The following ARID3A variants were observed in gnomAD, a reference collection of about 807,000 sequenced individuals.
The protein encoded by ARID3A is AT-rich interactive domain-containing protein 3A.
A neutral mutation model predicts 52.7 loss-of-function variants in ARID3A; 11 were observed. The ratio of observed to expected loss-of-function variants is 0.21; its 90% CI spans 0.13 to 0.35. ARID3A has a LOEUF of 0.35. Ranked by LOEUF, ARID3A falls within the 10% of genes least tolerant of loss-of-function variation. The pLI is 1.00. For missense variants in ARID3A, 721 were observed against 838.5 expected (o/e 0.86, Z 1.73); for synonymous variants, 404 against 359.4 (o/e 1.12, Z -1.40).
chr19:949,480 C>G (rs959316830), intron 3 of ARID3A, among the ~76,000 whole-genome samples: 22 of 152,126 alleles, frequency 1.4e-4, no homozygotes, highest in Non-Finnish European at 2.9e-4. Context: ...GGGACACCAG[C>G]ATTGGAGGAA....
In ARID3A at chr19:960,363, C is replaced by T. The variant is rs1637994; in HGVS notation, c.766+199C>T. Among the ~76,000 whole-genome samples the T allele has an allele frequency of 0.79, 119,512 of 151,958 alleles. 48,209 individuals carry two copies. The highest frequency in any genetic ancestry group is 0.9 in the East Asian group (4,616 of 5,154). On this transcript the variant is annotated intron_variant, in intron 4 of 8. Transcript: ENST00000263620. The surrounding 1 kb of genome is among the most constrained non-coding windows in gnomAD (Gnocchi z 4.3). ...CCATGGAGGTTTGACGCGGGAGGCA[C>T]GCCTGTGAGTCTAAGGGGTAGGTCC... is the stretch of plus-strand genomic sequence containing the variant.
chr19:966,902 C>T, intron 7 of ARID3A, 34 bp downstream of exon 7: 1 of 1,567,860 alleles, frequency 6.4e-7, no homozygotes, highest in Non-Finnish European at 8.7e-7. Context: ...GCTGTGCTTC[C>T]TGCGTGTGTC....
intron 4 of ARID3A, among the ~76,000 whole-genome samples, chr19:962,804 C>T (rs1346311955): frequency 2.0e-5 from 3 of 152,170 alleles, no homozygotes; most frequent in African/African-American, 4.8e-5. Context: ...CTTGAGCCAC[C>T]GCGCCCGGCC....
chr19:972,417 C>T lies in ARID3A; in HGVS notation c.*352C>T, dbSNP rs2038298966. 4.6e-6 allele frequency: 1 copy of T among 215,980 alleles called. No individual in the cohort carries two copies. The highest frequency in any genetic ancestry group is 9.3e-6 in the Non-Finnish European group (1 of 107,074). 13.4% of individuals were successfully genotyped at this position (215,980 alleles called of 1,614,324 possible). A position where few individuals can be genotyped will look rare whatever the true frequency, so the allele number is the denominator to read the frequency against. ...AGGGCGTTCAGGCAGCCCTGATGGA[C>T]CGAAGGCTCTGGTGTCTGGTTTGGC... On this transcript the variant is annotated 3_prime_UTR_variant, in exon 9 of 9. Transcript: ENST00000263620.
In ARID3A at chr19:971,967, G is replaced by A. The variant is rs749782323; in HGVS notation, c.1684G>A (p.Gly562Ser). Reference sequence around the variant, plus strand: ...CGGCGGCGGCAGCAGCAGCAACGCAGGCGGCCGGGGAGGAAACACCGGAAC... The same window carrying A: ...CGGCGGCGGCAGCAGCAGCAACGCAAGCGGCCGGGGAGGAAACACCGGAAC... ...GGGGGSSSNAGGRGGNTGTSG... is the reference protein window; with the variant it reads ...GGGGGSSSNASGRGGNTGTSG... Residue 562 changes from glycine (G) to serine (S), a missense_variant, in exon 9 of 9, where the codon GGC becomes AGC. Physicochemically the swap from Gly to Ser is moderately conservative, Grantham distance 56. Transcript: ENST00000263620. The A allele has an allele frequency of 6.2e-7, 1 of 1,602,098 alleles. No homozygotes were observed. The highest frequency in any genetic ancestry group is 1.1e-5 in the South Asian group (1 of 90,358).
intron 1 of ARID3A, 101 bp downstream of exon 1, chr19:926,160 G>A (rs2076554452): frequency 6.7e-6 from 1 of 150,346 alleles, no homozygotes; most frequent in South Asian, 2.1e-4. Flanking sequence ...CCGACCCCAG[G>A]CGCGGGGCGC....
At chr19:958,889 CA>C (rs368361708) in intron 3 of ARID3A, among the ~76,000 whole-genome samples, 12,250 of 144,812 alleles carry the variant, frequency 0.085, 674 homozygotes, top group South Asian at 0.28. Context: ...GACTCCGTCT[CA>C]AAAAAAAAAA....
rs528528982 is a variant in ARID3A at position 954,887 on chromosome 19, G to A, written c.694-5205G>A. Among the ~76,000 whole-genome samples, 4 of 152,184 alleles carry A rather than the reference G, an allele frequency of 2.6e-5. No individual in the cohort carries two copies. In the South Asian group the frequency reaches 6.2e-4, roughly 24 times the overall value. The stretch of plus-strand genomic sequence containing the variant: ...CAGAACTTCACACCCGACCCCTCCC[G>A]TGATCAGAGCAGGCCCCAGGGAGGT... On this transcript the variant is annotated intron_variant, in intron 3 of 8. Coordinates refer to ENST00000263620, the MANE Select transcript of ARID3A (RefSeq NM_005224.3).
At chr19:961,285 C>T (rs574618498) in intron 4 of ARID3A, among the ~76,000 whole-genome samples, 1 of 152,290 alleles carries the variant, frequency 6.6e-6, no homozygotes, top group Admixed American at 6.5e-5. Context: ...CCCGCCACTG[C>T]CAGCCGCCCG....
chr19:975,179 G>A lies in ARID3A; in HGVS notation c.*3114G>A, dbSNP rs1476843763. ...GGGGTCGGGCAGTCCCCTCAGCCAC[G>A]AGGACCCTGGATGGGTTCTAGTTCA... On this transcript the variant is annotated 3_prime_UTR_variant, in exon 9 of 9. Transcript: ENST00000263620. The A allele has an allele frequency of 2.6e-5, 6 of 231,486 alleles. No individual in the cohort carries two copies. Among genetic ancestry groups the A allele is most frequent in the Admixed American group, 1.1e-4 (2 of 17,722 alleles). 14.3% of individuals were successfully genotyped at this position (231,486 alleles called of 1,614,324 possible).
At position 972,044 on chromosome 19, in the gene ARID3A, C is replaced by T; in HGVS notation, c.1761C>T (p.Thr587=). The change falls in exon 9 of 9, where the codon ACC becomes ACT. Residue 587 remains threonine (T), a synonymous_variant. Coordinates refer to ENST00000263620, the MANE Select transcript of ARID3A (RefSeq NM_005224.3). ...GGCTGTCCACACCCTCCACATCTACCTCAAATAACTCGTTGCCTTAACCGC... is the reference window on the plus strand; with the variant it reads ...GGCTGTCCACACCCTCCACATCTACTTCAAATAACTCGTTGCCTTAACCGC... ...PAGLSTPSTS[T]SNNSLP is the part of the protein sequence containing the mutation. 2.5e-6 allele frequency: 4 copies of T among 1,571,510 alleles called. No individual in the cohort carries two copies.
At chr19:930,781 T>G (rs1005212897) in intron 2 of ARID3A, among the ~76,000 whole-genome samples, 2 of 149,552 alleles carry the variant, frequency 1.3e-5, no homozygotes, top group Non-Finnish European at 3.0e-5. Flanking sequence ...AGTGCTGGGA[T>G]TACAGGCGTG....
intron 7 of ARID3A, among the ~76,000 whole-genome samples, chr19:967,895 A>C (rs1010022778): frequency 6.6e-6 from 1 of 151,778 alleles, no homozygotes; most frequent in Non-Finnish European, 1.5e-5. Flanking sequence ...AAATACAAAA[A>C]TTAGCCGGGT....
rs2145453205 is a variant in ARID3A at position 964,556 on chromosome 19, G to A, written c.950+125G>A. 2 of 1,323,214 alleles carry A rather than the reference G, an allele frequency of 1.5e-6. No individual in the cohort carries two copies. Among genetic ancestry groups the A allele is most frequent in the Non-Finnish European group, 2.0e-6 (2 of 982,328 alleles). 82.0% of individuals were successfully genotyped at this position (1,323,214 alleles called of 1,614,324 possible). A position where few individuals can be genotyped will look rare whatever the true frequency, so the allele number is the denominator to read the frequency against. ...GGAGGGGGCAGTGGGCAGCCGCAAA[G>A]GGCACAGGGCCACACCGTGCGTCCA... On this transcript the variant is annotated intron_variant, in intron 5 of 8. Transcript: ENST00000263620. The surrounding 1 kb of genome is among the most constrained non-coding windows in gnomAD (Gnocchi z 5.7).
rs904507995 is a variant in ARID3A at position 972,240 on chromosome 19, TATATATAC to T, written c.*177_*184del. ...GAAAAAAGATATATATATATATATA[TATATATAC>T]ACGTATATATATAAAGAGAATTTAA... On this transcript the variant is annotated 3_prime_UTR_variant, in exon 9 of 9. Transcript: ENST00000263620. 3.7e-5 allele frequency: 8 copies of T among 215,986 alleles called. No individual in the cohort carries two copies. The highest frequency in any genetic ancestry group is 9.5e-5 in the African/African-American group (4 of 42,106). 13.4% of individuals were successfully genotyped at this position (215,986 alleles called of 1,614,324 possible).
rs539264730 is a variant in ARID3A at position 960,591 on chromosome 19, C to T, written c.766+427C>T. 1.7e-3 allele frequency among the ~76,000 whole-genome samples: 256 copies of T among 152,108 alleles called. 2 individuals are homozygous for T. Among genetic ancestry groups the T allele is most frequent in the African/African-American group, 5.9e-3 (245 of 41,486 alleles). On this transcript the variant is annotated intron_variant, in intron 4 of 8. Coordinates refer to ENST00000263620, the MANE Select transcript of ARID3A (RefSeq NM_005224.3). This position sits in a 1 kb window ranked among gnomAD's most constrained non-coding sequence, Gnocchi z 4.3. ...TGCGGCAGGACAGAAGCCCCCCGCC[C>T]GGCCGCGAGATGGCTTAGAGTCTAA... is the stretch of plus-strand genomic sequence containing the variant.
In ARID3A at chr19:956,035, C is replaced by G. The variant is rs779437134; in HGVS notation, c.694-4057C>G. On this transcript the variant is annotated intron_variant, in intron 3 of 8. Transcript: ENST00000263620. The stretch of plus-strand genomic sequence containing the variant: ...TGGCCGGCCTCTGTCTCTGTGCGAC[C>G]GTCTCCAGTGCCCACCGGCCTTCAC... Among the ~76,000 whole-genome samples, 10 of 152,050 alleles carry G rather than the reference C, an allele frequency of 6.6e-5. 1 individual carries two copies. The highest frequency in any genetic ancestry group is 6.3e-3 in the Middle Eastern group (2 of 316).
chr19:941,281 C>T lies in ARID3A; in HGVS notation c.693+8539C>T, dbSNP rs1164010767. Reference sequence around the variant, plus strand: ...ACGCTGGGGCTGTGGCCGGGCGGCTCGTGGGTCCTGTCTCGTGGGACCCTG... The same window carrying T: ...ACGCTGGGGCTGTGGCCGGGCGGCTTGTGGGTCCTGTCTCGTGGGACCCTG... On this transcript the variant is annotated intron_variant, in intron 3 of 8. Transcript: ENST00000263620. The surrounding 1 kb of genome is among the most constrained non-coding windows in gnomAD (Gnocchi z 6.9). 1.3e-5 allele frequency among the ~76,000 whole-genome samples: 2 copies of T among 152,236 alleles called. No homozygotes were observed. Among genetic ancestry groups the T allele is most frequent in the East Asian group, 1.9e-4 (1 of 5,190 alleles).
intron 3 of ARID3A, among the ~76,000 whole-genome samples, chr19:939,281 G>C (rs2037497764): frequency 6.6e-6 from 1 of 151,958 alleles, no homozygotes; most frequent in Non-Finnish European, 1.5e-5. Flanking sequence ...ACCACACCCA[G>C]CTTATTTTTG....
Sources: gnomAD v4.1 joint callset for allele counts (sites outside exome capture counted in the v4.1 genomes callset) on GRCh38, gnomAD v4.1.1 for gene constraint, Gnocchi (gnomAD v3.1) non-coding constraint, MANE v1.5 for transcripts, NCBI Gene and HGNC (gene_info 2026-07-23, HGNC 2026-07-21) for gene names.